Variants in SBNO1 observed in about 807,000 individuals in gnomAD.
The protein encoded by SBNO1 is strawberry notch homolog 1.
A neutral mutation model predicts 173.6 loss-of-function variants in SBNO1; 23 were observed. The ratio of observed to expected loss-of-function variants is 0.13; its 90% CI spans 0.10 to 0.19. The LOEUF is 0.19. SBNO1 is among the 10% of genes least tolerant of loss of function. The pLI is 1.00. For synonymous variants in SBNO1, 632 were observed against 571.5 expected (o/e 1.11, Z -1.51); for missense variants, 1,238 against 1,671.2 (o/e 0.74, Z 4.52).
intron 1 of SBNO1, among the ~76,000 whole-genome samples, chr12:123,355,559 G>A (rs1874363854): frequency 6.6e-6 from 1 of 151,660 alleles, no homozygotes; most frequent in Non-Finnish European, 1.5e-5. Flanking sequence ...AGCCAAGATC[G>A]CAGCACTGCA....
intron 4 of SBNO1, among the ~76,000 whole-genome samples, chr12:123,341,918 C>T (rs1347597409): frequency 6.6e-6 from 1 of 151,866 alleles, no homozygotes; most frequent in Non-Finnish European, 1.5e-5. Context: ...GAAAACAACT[C>T]AAAAGGAACG....
intron 2 of SBNO1, among the ~76,000 whole-genome samples, chr12:123,349,947 T>C (rs1388025851): frequency 6.6e-6 from 1 of 151,462 alleles, no homozygotes; most frequent in Non-Finnish European, 1.5e-5. Context: ...GTATTTAAAA[T>C]TAAGGCTTCA....
At chr12:123,314,166 A>G (rs1408612809) in intron 23 of SBNO1, among the ~76,000 whole-genome samples, 1 of 152,028 alleles carries the variant, frequency 6.6e-6, no homozygotes, top group Non-Finnish European at 1.5e-5. Flanking sequence ...ATATGTATTT[A>G]TTTATTTTTT....
intron 1 of SBNO1, among the ~76,000 whole-genome samples, chr12:123,357,793 A>G (rs1874635579): frequency 6.6e-6 from 1 of 152,208 alleles, no homozygotes; most frequent in African/African-American, 2.4e-5. Flanking sequence ...TGCAATCTGT[A>G]CTTTTCAACA....
intron 17 of SBNO1, 76 bp from the exon 18 acceptor site, chr12:123,320,942 A>C: frequency 8.1e-7 from 1 of 1,231,746 alleles, no homozygotes; most frequent in Non-Finnish European, 1.1e-6. Flanking sequence ...ACAACCTTTG[A>C]AATTTTATTT....
chr12:123,320,174 G>C (rs12366872), intron 19 of SBNO1, 143 bp from the exon 20 acceptor site: 103,805 of 985,258 alleles, frequency 0.11, 6,700 homozygotes, highest in East Asian at 0.28. Flanking sequence ...CACTGCAACA[G>C]AGTCCCTGGA....
At chr12:123,357,686 T>G (rs1368186360) in intron 1 of SBNO1, among the ~76,000 whole-genome samples, 3 of 152,104 alleles carry the variant, frequency 2.0e-5, no homozygotes, top group Non-Finnish European at 4.4e-5. Context: ...ACCCGGAAAG[T>G]GGAGGTTACA....
intron 28 of SBNO1, among the ~76,000 whole-genome samples, chr12:123,305,478 T>A (rs552994652): frequency 9.3e-5 from 14 of 149,900 alleles, no homozygotes; most frequent in African/African-American, 3.4e-4. Flanking sequence ...TATTTTTAAC[T>A]TTTTTTTTTG....
At chr12:123,338,922 CCCT>C (rs200528234) in intron 5 of SBNO1, among the ~76,000 whole-genome samples, 1,677 of 125,906 alleles carry the variant, frequency 0.013, 67 homozygotes, top group African/African-American at 0.052. Flanking sequence ...GCCCCCCCCC[CCCT>C]CCCCGACTAG....
chr12:123,349,455 T>C (rs1873626355), intron 2 of SBNO1, among the ~76,000 whole-genome samples: 2 of 152,122 alleles, frequency 1.3e-5, no homozygotes, highest in Non-Finnish European at 1.5e-5. Flanking sequence ...CACAGAAGAA[T>C]ATCCCTAAAT....
At position 123,350,415 on chromosome 12, in the gene SBNO1, C is replaced by G; in HGVS notation, c.27G>C (p.Leu9=). The change falls in exon 2 of 32, where the codon CTG becomes CTC. Residue 9 remains leucine, a synonymous_variant. Transcript: ENST00000602398. The part of the protein sequence containing the change: MVEPGQDL[L]LAALSESGIS... ...TTCCACTCTCACTCAAAGCAGCAAG[C>G]AGTAAATCTTGCCCTGGCTCCACCA... 1 of 1,613,938 alleles carries G rather than the reference C, an allele frequency of 6.2e-7. No individual in the cohort carries two copies. The highest frequency in any genetic ancestry group is 8.5e-7 in the Non-Finnish European group (1 of 1,179,868).
At chr12:123,363,343 G>C (rs186872373) in intron 1 of SBNO1, among the ~76,000 whole-genome samples, 1 of 152,260 alleles carries the variant, frequency 6.6e-6, no homozygotes, top group East Asian at 1.9e-4. Flanking sequence ...AATCAATTCT[G>C]ATTGCTAGAA....
At chr12:123,318,363 C>A (rs557144479) in intron 20 of SBNO1, among the ~76,000 whole-genome samples, 1 of 151,636 alleles carries the variant, frequency 6.6e-6, no homozygotes, top group South Asian at 2.1e-4. Context: ...TGCTTGAACC[C>A]GGGAGGTGGA....
rs201443230 is a variant in SBNO1, at chr12:123,309,587, G to C, written c.3443-4C>G. 5.0e-6 allele frequency: 8 copies of C among 1,611,958 alleles called. No homozygotes were observed. The Admixed American group carries it at 5.0e-5, about 10-fold the overall frequency. ...TTTTCATCTCCAGAACCAAGATCTTGAACAAGAAAAAGAAACATGTAAATG... is the reference window on the plus strand; with the variant it reads ...TTTTCATCTCCAGAACCAAGATCTTCAACAAGAAAAAGAAACATGTAAATG... On this transcript the variant is annotated splice_polypyrimidine_tract_variant and splice_region_variant and intron_variant, in intron 26 of 31. Transcript: ENST00000602398.
Position 123,342,420 on chromosome 12 carries a change from C to T in SBNO1, c.551-1332G>A, listed in dbSNP as rs1487130833. 2.6e-5 allele frequency among the ~76,000 whole-genome samples: 4 copies of T among 152,008 alleles called. No homozygotes were observed. In the East Asian group the frequency reaches 5.8e-4, roughly 22 times the overall value. On this transcript the variant is annotated intron_variant, in intron 4 of 31. Transcript: ENST00000602398. ...GAGCCGAGATCGCGCCACTGCACTC[C>T]AGCCTGGGCGACAGATCAAGACTCT...
chr12:123,354,801 T>C (rs1434089576), intron 1 of SBNO1, among the ~76,000 whole-genome samples: 1 of 152,130 alleles, frequency 6.6e-6, no homozygotes, highest in African/African-American at 2.4e-5. Context: ...TCAGATGACA[T>C]TTACCATGGA....
At chr12:123,363,918 G>A in intron 1 of SBNO1, 3 of 985,452 alleles carry the variant, frequency 3.0e-6, no homozygotes, top group Non-Finnish European at 3.6e-6. Context: ...CTCCTCAGCG[G>A]TTAAACCGAC....
intron 13 of SBNO1, 138 bp downstream of exon 13, chr12:123,327,288 G>C: frequency 1.4e-6 from 1 of 721,486 alleles, no homozygotes; most frequent in Non-Finnish European, 2.3e-6. Flanking sequence ...TGAGGCATGA[G>C]ACACCGTGCC....
intron 28 of SBNO1, among the ~76,000 whole-genome samples, chr12:123,305,620 C>T (rs2048894688): frequency 6.6e-6 from 1 of 152,082 alleles, no homozygotes; most frequent in African/African-American, 2.4e-5. Context: ...ACTACAGGTA[C>T]TCACCACCAT....
Sources: gnomAD v4.1 joint callset for allele counts (sites outside exome capture counted in the v4.1 genomes callset) on GRCh38, gnomAD v4.1.1 for gene constraint, MANE v1.5 for transcripts, NCBI Gene and HGNC (gene_info 2026-07-23, HGNC 2026-07-21) for gene names.